The following PLXDC2 variants were observed in gnomAD, a reference collection of about 807,000 sequenced individuals.
The protein encoded by PLXDC2 is plexin domain containing 2, also known as plexin domain-containing protein 2.
PLXDC2 carries 40 observed loss-of-function variants against 68.9 expected under a neutral mutation model. The observed-to-expected ratio is 0.58, with a 90% CI of 0.45 to 0.76. The LOEUF (loss-of-function observed/expected upper bound fraction) is 0.76. Ranked by LOEUF, PLXDC2 falls within the 30% of genes least tolerant of loss-of-function variation. The pLI is 0.00. For missense variants in PLXDC2, 644 were observed against 661.9 expected, an observed-to-expected ratio of 0.97 and a Z score of 0.30; for synonymous variants, 243 against 234.2, an observed-to-expected ratio of 1.04 and a Z score of -0.34.
intron 12 of PLXDC2, among the ~76,000 whole-genome samples, chr10:20,243,967 G>A (rs191355910): frequency 6.6e-6 from 1 of 152,244 alleles, no homozygotes; most frequent in East Asian, 1.9e-4. Context: ...GCTGAGGCAG[G>A]AGAATTGCTT....
At chr10:19,879,528 G>A (rs73601625) in intron 1 of PLXDC2, among the ~76,000 whole-genome samples, 10,997 of 152,054 alleles carry the variant, frequency 0.072, 1,325 homozygotes, top group African/African-American at 0.25. Context: ...CTTGTATTTC[G>A]ACAAATACCC....
At chr10:19,852,002 A>G (rs1470895178) in intron 1 of PLXDC2, among the ~76,000 whole-genome samples, 2 of 152,214 alleles carry the variant, frequency 1.3e-5, no homozygotes, top group Non-Finnish European at 2.9e-5. Context: ...CAGAAAGGTA[A>G]TCTAGGATCT....
In PLXDC2 at chr10:20,281,759, G is replaced by C. The variant is rs951884673; in HGVS notation, c.*1940G>C. On this transcript the variant is annotated 3_prime_UTR_variant, in exon 14 of 14. Transcript: ENST00000377252. ...ATCCCCACTTATTCTTGTGGAGCAG[G>C]TTTGGTGAGACAGCAATAACCAAAT... 1 of 152,122 alleles carries C rather than the reference G, an allele frequency of 6.6e-6. No homozygotes were observed. The highest frequency in any genetic ancestry group is 2.4e-5 in the African/African-American group (1 of 41,440). The allele number at this position is 152,122 out of a possible 1,614,324, so 9.4% of individuals were successfully genotyped here. A position where few individuals can be genotyped will look rare whatever the true frequency, so the allele number is the denominator to read the frequency against.
At chr10:20,190,529 T>C (rs184053268) in intron 9 of PLXDC2, among the ~76,000 whole-genome samples, 1 of 151,706 alleles carries the variant, frequency 6.6e-6, no homozygotes, top group Non-Finnish European at 1.5e-5. Flanking sequence ...CACACCAACA[T>C]GGCACATGTA....
At chr10:20,229,839 A>G (rs1358653547) in intron 12 of PLXDC2, among the ~76,000 whole-genome samples, 1 of 152,228 alleles carries the variant, frequency 6.6e-6, no homozygotes, top group Non-Finnish European at 1.5e-5. Context: ...ATGTTATTTC[A>G]GTTACAGTAA....
At chr10:20,099,903 C>T (rs966953426) in intron 4 of PLXDC2, among the ~76,000 whole-genome samples, 6 of 152,020 alleles carry the variant, frequency 3.9e-5, no homozygotes, top group Non-Finnish European at 5.9e-5. Context: ...TAATACTGCA[C>T]GGTTACGATT....
intron 3 of PLXDC2, among the ~76,000 whole-genome samples, chr10:20,048,971 T>G (rs77774990): frequency 0.018 from 2,693 of 152,238 alleles, 74 homozygotes; most frequent in African/African-American, 0.061. Flanking sequence ...GGACTTGAAC[T>G]TCTGGTTGTA....
rs1224847480 is a variant in PLXDC2, at chr10:20,217,422, C to T, written c.1123-4C>T. The T allele has an allele frequency of 1.9e-6, 3 of 1,602,098 alleles. No homozygotes were observed. Among genetic ancestry groups the T allele is most frequent in the South Asian group, 2.2e-5 (2 of 88,898 alleles). ...TTTGTTTTCCTTTTCTTTTCTCTTACTAGTCAAAAGAGAAGATGTGTGAGA... is the reference window on the plus strand; with the variant it reads ...TTTGTTTTCCTTTTCTTTTCTCTTATTAGTCAAAAGAGAAGATGTGTGAGA... On this transcript the variant is annotated splice_polypyrimidine_tract_variant and splice_region_variant and intron_variant, in intron 10 of 13. Transcript: ENST00000377252.
At chr10:19,982,291 C>T (rs893466569) in intron 1 of PLXDC2, among the ~76,000 whole-genome samples, 89 of 152,316 alleles carry the variant, frequency 5.8e-4, no homozygotes, top group African/African-American at 1.7e-3. Flanking sequence ...TGAATGGTCC[C>T]GTGTGACTGA....
At chr10:20,234,515 G>A (rs1189578006) in intron 12 of PLXDC2, among the ~76,000 whole-genome samples, 1 of 152,110 alleles carries the variant, frequency 6.6e-6, no homozygotes, top group East Asian at 1.9e-4. Flanking sequence ...TGAAATATAA[G>A]TACCCTGTAC....
chr10:20,213,015 C>G (rs1835089567), intron 10 of PLXDC2, among the ~76,000 whole-genome samples: 1 of 151,958 alleles, frequency 6.6e-6, no homozygotes, highest in South Asian at 2.1e-4. Context: ...TTCATTTTCT[C>G]TATGATTTTA....
chr10:20,256,288 A>C (rs1017056849), intron 13 of PLXDC2, among the ~76,000 whole-genome samples: 1 of 151,668 alleles, frequency 6.6e-6, no homozygotes, highest in Non-Finnish European at 1.5e-5. Flanking sequence ...GCCCACCATG[A>C]CACCTGGCTA....
chr10:19,971,859 A>ATGTT (rs1367496587), intron 1 of PLXDC2, among the ~76,000 whole-genome samples: 3 of 152,256 alleles, frequency 2.0e-5, no homozygotes, highest in Admixed American at 6.5e-5. Context: ...AAGTCAGCAT[A>ATGTT]TGTTCATTGC....
intron 9 of PLXDC2, among the ~76,000 whole-genome samples, chr10:20,201,664 C>T (rs1248195135): frequency 2.0e-5 from 3 of 151,882 alleles, no homozygotes; most frequent in Non-Finnish European, 2.9e-5. Context: ...ATGTTTGAGA[C>T]GATGGATATG....
intron 3 of PLXDC2, among the ~76,000 whole-genome samples, chr10:20,051,426 ATATATATATATATATATG>A (rs1835899051): frequency 1.6e-5 from 1 of 63,120 alleles, no homozygotes; most frequent in African/African-American, 9.6e-5. Context: ...ATATATATAT[ATATATATATATATATATG>A]TGCTATTATG....
intron 4 of PLXDC2, among the ~76,000 whole-genome samples, chr10:20,079,327 A>G (rs915153808): frequency 6.6e-6 from 1 of 152,222 alleles, no homozygotes; most frequent in African/African-American, 2.4e-5. Context: ...GCTGGTTAGA[A>G]TGGTGATTAT....
intron 4 of PLXDC2, among the ~76,000 whole-genome samples, chr10:20,125,465 C>T (rs935609302): frequency 2.0e-5 from 3 of 152,054 alleles, no homozygotes; most frequent in Non-Finnish European, 2.9e-5. Flanking sequence ...GATTGTATAC[C>T]ATCACCTTGG....
chr10:19,981,594 G>A (rs538865303), intron 1 of PLXDC2, among the ~76,000 whole-genome samples: 2 of 152,234 alleles, frequency 1.3e-5, no homozygotes, highest in South Asian at 4.1e-4. Flanking sequence ...CTCAGAACAT[G>A]GAAGCATCTC....
At chr10:19,977,452 G>C (rs940207098) in intron 1 of PLXDC2, among the ~76,000 whole-genome samples, 1 of 152,188 alleles carries the variant, frequency 6.6e-6, no homozygotes, top group Admixed American at 6.5e-5. Context: ...GGAGGCCACT[G>C]GGGGAGGGGG....
Sources: allele counts gnomAD v4.1 joint callset (sites outside exome capture counted in the v4.1 genomes callset), GRCh38; gene constraint gnomAD v4.1.1; transcripts MANE v1.5; gene names NCBI Gene and HGNC (gene_info 2026-07-23, HGNC 2026-07-21).